The following MAST4 variants were observed in gnomAD, a reference collection of about 807,000 sequenced individuals.
The protein encoded by MAST4 is microtubule associated serine/threonine kinase family member 4.
Under a neutral mutation model 162.7 loss-of-function variants are expected in MAST4, and 89 were observed. The observed-to-expected ratio is 0.55, with a 90% CI of 0.46 to 0.65. MAST4 has a LOEUF of 0.65. Ranked by LOEUF, MAST4 falls within the 30% of genes least tolerant of loss-of-function variation. The pLI is 0.00. For missense variants in MAST4, 3,153 were observed against 3,374.0 expected (o/e 0.93, Z 1.62); for synonymous variants, 1,479 against 1,361.1 (o/e 1.09, Z -1.91).
At chr5:67,056,809 G>T (rs1023582464) in intron 5 of MAST4, among the ~76,000 whole-genome samples, 5 of 152,058 alleles carry the variant, frequency 3.3e-5, no homozygotes, top group African/African-American at 1.2e-4. Flanking sequence ...AGATTCTCAT[G>T]CCTCAGCCTC....
intron 8 of MAST4, among the ~76,000 whole-genome samples, chr5:67,101,902 A>G (rs1369433667): frequency 1.3e-5 from 2 of 151,832 alleles, no homozygotes; most frequent in Non-Finnish European, 2.9e-5. Flanking sequence ...TTGCACAACT[A>G]TATATCACTA....
chr5:67,162,839 T>A, intron 28 of MAST4, 51 bp downstream of exon 28: 1 of 1,539,286 alleles, frequency 6.5e-7, no homozygotes, highest in South Asian at 1.2e-5. Context: ...GGTAAAGTCA[T>A]GTGAGGTCCC....
chr5:66,858,932 A>T (rs889713254), intron 3 of MAST4, among the ~76,000 whole-genome samples: 4 of 151,876 alleles, frequency 2.6e-5, no homozygotes, highest in African/African-American at 9.7e-5. Flanking sequence ...GAATTATATC[A>T]TTTTTCCTTC....
In MAST4 at chr5:66,949,373, T is replaced by C. The variant is rs77344614; in HGVS notation, c.674+49391T>C. Among the ~76,000 whole-genome samples, 1,241 of 152,330 alleles carry C rather than the reference T, an allele frequency of 8.1e-3. 18 individuals carry two copies. The highest frequency in any genetic ancestry group is 0.028 in the African/African-American group (1,145 of 41,572). ...TGCATCATGGTGGTTTACCTCATGCTGTTCTCATGGTAGTGAGTGAGTTCT... is the reference window on the plus strand; with the variant it reads ...TGCATCATGGTGGTTTACCTCATGCCGTTCTCATGGTAGTGAGTGAGTTCT... On this transcript the variant is annotated intron_variant, in intron 4 of 28. Coordinates refer to ENST00000403625, the MANE Select transcript of MAST4 (RefSeq NM_001164664.2).
At chr5:66,663,840 T>C (rs1747067025) in intron 1 of MAST4, among the ~76,000 whole-genome samples, 1 of 152,196 alleles carries the variant, frequency 6.6e-6, no homozygotes, top group African/African-American at 2.4e-5. Context: ...CCAAGATCAC[T>C]CTGGCTACCA....
At chr5:66,903,921 C>G (rs1178293634) in intron 4 of MAST4, among the ~76,000 whole-genome samples, 6 of 152,142 alleles carry the variant, frequency 3.9e-5, no homozygotes, top group Non-Finnish European at 8.8e-5. Context: ...GTGCCTGCTC[C>G]CTGAGCACAA....
At chr5:66,712,116 GAGTATTCTT>G (rs750226362) in intron 1 of MAST4, among the ~76,000 whole-genome samples, 33 of 152,288 alleles carry the variant, frequency 2.2e-4, no homozygotes, top group Admixed American at 5.9e-4. Context: ...CATGCTGCAT[GAGTATTCTT>G]AGTATTCTTG....
intron 10 of MAST4, 118 bp downstream of exon 10, chr5:67,104,693 G>GA: frequency 1.9e-5 from 7 of 374,272 alleles, no homozygotes; most frequent in South Asian, 5.4e-5. Context: ...AAGCAAAAAA[G>GA]AAGGAAAAAA....
intron 23 of MAST4, among the ~76,000 whole-genome samples, chr5:67,148,191 C>G (rs1771339767): frequency 6.6e-6 from 1 of 152,166 alleles, no homozygotes; most frequent in Non-Finnish European, 1.5e-5. Flanking sequence ...TGTTAATACT[C>G]TGCATGGATT....
intron 1 of MAST4, among the ~76,000 whole-genome samples, chr5:66,688,667 C>T (rs1225357606): frequency 1.3e-5 from 2 of 152,070 alleles, no homozygotes; most frequent in South Asian, 2.1e-4. Flanking sequence ...TGGAATAAGA[C>T]AGAGGGAAGT....
chr5:67,090,038 G>T, intron 5 of MAST4, 124 bp from the exon 6 acceptor site: 17 of 657,388 alleles, frequency 2.6e-5, no homozygotes, highest in Non-Finnish European at 3.8e-5. Flanking sequence ...TAAAACTAAA[G>T]CATTATTGGA....
intron 1 of MAST4, chr5:66,738,187 G>T (rs1033557757): frequency 6.6e-6 from 1 of 152,360 alleles, no homozygotes; most frequent in South Asian, 2.1e-4. Flanking sequence ...CTACCTGGCA[G>T]TGTCCTCACT....
In MAST4 at chr5:66,899,972, A is replaced by G; in HGVS notation, c.664A>G (p.Arg222Gly). ...ASLKELSLPR[R>G]GSFCRTSNRK... ...GCAGAAGGAGCTGAGTCTCCCCAGA[A>G]GAGGAAGTTTGTAAGTAGTAGTATT... is the stretch of plus-strand genomic sequence containing the variant. Residue 222 changes from arginine (R) to glycine (G), a missense_variant, in exon 4 of 29, where the codon AGA becomes GGA. Physicochemically the swap from Arg to Gly is moderately radical, Grantham distance 125 (BLOSUM62 -2). This residue lies in a region of MAST4 where 327 missense variants were observed against 336.5 expected (regional missense o/e 0.97). Coordinates refer to ENST00000403625, the MANE Select transcript of MAST4 (RefSeq NM_001164664.2). 6.6e-7 allele frequency: 1 copy of G among 1,519,622 alleles called. No individual in the cohort carries two copies. 94.1% of individuals were successfully genotyped at this position (1,519,622 alleles called of 1,614,324 possible).
At chr5:66,665,665 G>A (rs762525472) in intron 1 of MAST4, among the ~76,000 whole-genome samples, 6 of 152,138 alleles carry the variant, frequency 3.9e-5, no homozygotes, top group African/African-American at 9.7e-5. Flanking sequence ...CTACAGAGTC[G>A]TTAAGACGGG....
chr5:66,803,939 C>CTT (rs754158083), intron 3 of MAST4, among the ~76,000 whole-genome samples: 1 of 146,994 alleles, frequency 6.8e-6, no homozygotes, highest in South Asian at 2.2e-4. Flanking sequence ...ATGCTATGGG[C>CTT]TTTTTTTTTT....
intron 3 of MAST4, among the ~76,000 whole-genome samples, chr5:66,862,408 G>A (rs1187831597): frequency 6.6e-6 from 1 of 152,078 alleles, no homozygotes; most frequent in East Asian, 1.9e-4. Context: ...GTATAATTGT[G>A]CTGTGTTTTT....
intron 4 of MAST4, among the ~76,000 whole-genome samples, chr5:66,995,653 G>C (rs566513536): frequency 6.6e-6 from 1 of 152,026 alleles, no homozygotes; most frequent in Admixed American, 6.6e-5. Flanking sequence ...CACCTGCCTC[G>C]GCCTCCCAAA....
intron 11 of MAST4, among the ~76,000 whole-genome samples, chr5:67,113,833 G>C (rs950883221): frequency 6.6e-6 from 1 of 152,158 alleles, no homozygotes. Flanking sequence ...TACCTTCGTA[G>C]TTACATTACA....
At chr5:66,670,907 G>T (rs149921270) in intron 1 of MAST4, among the ~76,000 whole-genome samples, 2 of 152,018 alleles carry the variant, frequency 1.3e-5, no homozygotes, top group African/African-American at 4.8e-5. Flanking sequence ...GCGCCCTTTC[G>T]CTCTGAAGTG....
Sources: allele counts gnomAD v4.1 joint callset (sites outside exome capture counted in the v4.1 genomes callset), GRCh38; gene constraint gnomAD v4.1.1; regional missense constraint gnomAD v4.1.1; transcripts MANE v1.5; gene names NCBI Gene and HGNC (gene_info 2026-07-23, HGNC 2026-07-21).